EPB41L2: variants seen among roughly 807,000 people sequenced by gnomAD.
EPB41L2 encodes the protein erythrocyte membrane protein band 4.1 like 2.
In EPB41L2, 43 loss-of-function variants were observed where a neutral mutation model predicts 113.0. The ratio of observed to expected loss-of-function variants is 0.38; its 90% CI spans 0.30 to 0.49. EPB41L2 has a LOEUF of 0.49. Ranked by LOEUF, EPB41L2 falls within the 20% of genes least tolerant of loss-of-function variation. EPB41L2 has a pLI of 0.95. For missense variants in EPB41L2, 1,147 were observed against 1,223.4 expected, an observed-to-expected ratio of 0.94 and a Z score of 0.93; for synonymous variants, 442 against 436.7, an observed-to-expected ratio of 1.01 and a Z score of -0.15.
At chr6:131,046,412 A>G (rs771528400) in intron 1 of EPB41L2, among the ~76,000 whole-genome samples, 2 of 152,124 alleles carry the variant, frequency 1.3e-5, no homozygotes, top group Non-Finnish European at 2.9e-5. Context: ...GGCTAGAACA[A>G]TTGTCTTTCT....
Position 130,926,715 on chromosome 6 carries a change from G to GA in EPB41L2, c.706-7dup, listed in dbSNP as rs1334183630. 2 of 1,574,972 alleles carry GA rather than the reference G, an allele frequency of 1.3e-6. No homozygotes were observed. The highest frequency in any genetic ancestry group is 1.2e-5 in the South Asian group (1 of 84,138). The stretch of plus-strand genomic sequence containing the variant: ...ACTTGTCCCTTGGCATGTTTCTGGA[G>GA]AAAAAATAATAACTTTACTTTTCAA... On this transcript the variant is annotated splice_region_variant and splice_polypyrimidine_tract_variant and intron_variant, in intron 3 of 19. Transcript: ENST00000337057.
At chr6:130,867,972 ACT>A (rs147376370) in intron 15 of EPB41L2, 630 of 75,380 alleles carry the variant, frequency 8.4e-3, no homozygotes, top group African/African-American at 0.012. Context: ...ACACACACAC[ACT>A]CTCTCTCTCT....
At chr6:130,935,217 T>C (rs894371944) in intron 3 of EPB41L2, among the ~76,000 whole-genome samples, 5 of 152,220 alleles carry the variant, frequency 3.3e-5, no homozygotes, top group African/African-American at 1.2e-4. Context: ...CTCCAGTAAC[T>C]GTAACCTGCA....
At position 130,885,492 on chromosome 6, in the gene EPB41L2, G is replaced by A. The variant is rs962715096; in HGVS notation, c.1661-224C>T. Among the ~76,000 whole-genome samples the A allele has an allele frequency of 2.6e-5, 4 of 152,104 alleles. No individual in the cohort carries two copies. The South Asian group carries it at 8.3e-4, about 32-fold the overall frequency. On this transcript the variant is annotated intron_variant, in intron 11 of 19. Coordinates refer to ENST00000337057, the MANE Select transcript of EPB41L2 (RefSeq NM_001431.4). ...ATTTTAATGCACTGAGCTACACCAG[G>A]GTCTCAAACCACAGGTATTGGAAGG...
In EPB41L2 at chr6:130,926,821, T is replaced by C. The variant is rs568275374; in HGVS notation, c.706-112A>G. 7.4e-6 allele frequency: 5 copies of C among 674,804 alleles called. No homozygotes were observed. The East Asian group carries it at 1.5e-4, about 20-fold the overall frequency. The allele number at this position is 674,804 out of a possible 1,614,324, so 41.8% of individuals were successfully genotyped here. ...TTATTATAAATTAACATTAAATATT[T>C]GTTTTCTCATTTTCTAACAATATAA... is the stretch of plus-strand genomic sequence containing the variant. On this transcript the variant is annotated intron_variant, in intron 3 of 19. Transcript: ENST00000337057.
At chr6:130,982,068 T>G (rs755344284) in intron 1 of EPB41L2, among the ~76,000 whole-genome samples, 1 of 151,950 alleles carries the variant, frequency 6.6e-6, no homozygotes, top group Non-Finnish European at 1.5e-5. Flanking sequence ...TTTATTTCAT[T>G]TAAACTTATA....
Position 130,890,358 on chromosome 6 carries a change from T to TA in EPB41L2, c.1595dup (p.Asp533ArgfsTer2). ...GCTCAAAGTGTGGTGCTGGCCTATC[T>TA]ATGAGGGTGCTGGCCTGGCGGGTCT... On this transcript the variant is annotated frameshift_variant, in exon 11 of 20. Transcript: ENST00000337057. LOFTEE classifies it high-confidence loss of function. 1 of 1,613,794 alleles carries TA rather than the reference T, an allele frequency of 6.2e-7. No homozygotes were observed. The highest frequency in any genetic ancestry group is 8.5e-7 in the Non-Finnish European group (1 of 1,179,898).
At chr6:130,854,212 C>T (rs1408789513) in intron 19 of EPB41L2, among the ~76,000 whole-genome samples, 1 of 152,144 alleles carries the variant, frequency 6.6e-6, no homozygotes, top group Non-Finnish European at 1.5e-5. Flanking sequence ...TTAATATTCA[C>T]ACCTACCTTC....
chr6:130,951,117 C>T (rs988633795), intron 3 of EPB41L2, among the ~76,000 whole-genome samples: 1 of 151,594 alleles, frequency 6.6e-6, no homozygotes, highest in Non-Finnish European at 1.5e-5. Context: ...ATTAGCCAGG[C>T]ATGGTGGCAT....
intron 1 of EPB41L2, among the ~76,000 whole-genome samples, chr6:131,010,727 A>C (rs985571140): frequency 6.6e-6 from 1 of 152,186 alleles, no homozygotes; most frequent in African/African-American, 2.4e-5. Context: ...TTAAATCATC[A>C]ATTTTTTAAA....
chr6:131,047,444 T>C (rs1795684393), intron 1 of EPB41L2, among the ~76,000 whole-genome samples: 1 of 152,220 alleles, frequency 6.6e-6, no homozygotes, highest in Non-Finnish European at 1.5e-5. Flanking sequence ...TATTTTATAA[T>C]TCAATGTCTT....
At chr6:130,873,712 C>T (rs986448024) in intron 14 of EPB41L2, among the ~76,000 whole-genome samples, 4 of 152,162 alleles carry the variant, frequency 2.6e-5, no homozygotes, top group Non-Finnish European at 4.4e-5. Flanking sequence ...GTGATCTATC[C>T]TCCTCGGCCT....
chr6:130,899,458 C>T (rs1252653953), intron 8 of EPB41L2, 33 bp downstream of exon 8: 3 of 1,573,858 alleles, frequency 1.9e-6, no homozygotes, highest in Non-Finnish European at 1.7e-6. Flanking sequence ...CAACAGACTA[C>T]TATGATGCTA....
At chr6:130,891,428 T>TTTACTTAC (rs34546609) in intron 10 of EPB41L2, among the ~76,000 whole-genome samples, 22,947 of 149,368 alleles carry the variant, frequency 0.15, 2,062 homozygotes, top group Admixed American at 0.22. Context: ...TATTTATTTA[T>TTTACTTAC]TTACTTACTT....
chr6:131,045,927 C>A lies in EPB41L2; in HGVS notation c.-15+17228G>T, dbSNP rs181913463. On this transcript the variant is annotated intron_variant, in intron 1 of 19. Coordinates refer to ENST00000337057, the MANE Select transcript of EPB41L2 (RefSeq NM_001431.4). ...TTATCAAATGTTTTGCCAAGATCTA[C>A]GCCTATATTTTTCTTTCTCTCTTTT... Among the ~76,000 whole-genome samples, 10 of 148,788 alleles carry A rather than the reference C, an allele frequency of 6.7e-5. No homozygotes were observed. In the East Asian group the frequency reaches 1.6e-3, roughly 24 times the overall value.
At chr6:130,884,201 G>C (rs1481430257) in intron 12 of EPB41L2, among the ~76,000 whole-genome samples, 1 of 152,074 alleles carries the variant, frequency 6.6e-6, no homozygotes, top group Non-Finnish European at 1.5e-5. Flanking sequence ...GGCACGTGGT[G>C]GCAGGCGCCT....
chr6:130,967,881 C>T (rs1775727245), intron 1 of EPB41L2, among the ~76,000 whole-genome samples: 2 of 152,146 alleles, frequency 1.3e-5, no homozygotes, highest in South Asian at 2.1e-4. Flanking sequence ...ATTTGGGCCA[C>T]CCCCCTATTA....
At chr6:130,929,894 C>CAT (rs1554281797) in intron 3 of EPB41L2, among the ~76,000 whole-genome samples, 237 of 114,464 alleles carry the variant, frequency 2.1e-3, no homozygotes, top group Middle Eastern at 7.8e-3. Context: ...CACACACACA[C>CAT]ACATACACGC....
intron 3 of EPB41L2, among the ~76,000 whole-genome samples, chr6:130,928,220 T>C (rs1415241715): frequency 6.6e-6 from 1 of 152,240 alleles, no homozygotes; most frequent in Non-Finnish European, 1.5e-5. Context: ...TATGTGCTTG[T>C]TTGTCTACAT....
Sources: allele counts gnomAD v4.1 joint callset (sites outside exome capture counted in the v4.1 genomes callset), GRCh38; gene constraint gnomAD v4.1.1; transcripts MANE v1.5; gene names NCBI Gene and HGNC (gene_info 2026-07-23, HGNC 2026-07-21).